The following RBFOX1 variants were observed in gnomAD, a reference collection of about 807,000 sequenced individuals.
The protein encoded by RBFOX1 is RNA binding protein fox-1 homolog 1.
In RBFOX1, 8 loss-of-function variants were observed where a neutral mutation model predicts 57.7. That is an observed-to-expected ratio of 0.14 (90% CI 0.08 to 0.25). The LOEUF (loss-of-function observed/expected upper bound fraction) is 0.25. Ranked by LOEUF, RBFOX1 falls within the 10% of genes least tolerant of loss-of-function variation. The pLI is 1.00. For synonymous variants in RBFOX1, 326 were observed against 222.4 expected (o/e 1.47, Z -4.15); for missense variants, 611 against 548.5 (o/e 1.11, Z -1.14).
chr16:6,256,184 TAC>T (rs370156395), intron 1 of RBFOX1, among the ~76,000 whole-genome samples: 3,573 of 41,486 alleles, frequency 0.086, 527 homozygotes, highest in African/African-American at 0.22. Context: ...TATATATATA[TAC>T]GTATATATAT....
At chr16:6,637,541 C>G (rs78591097) in intron 2 of RBFOX1, among the ~76,000 whole-genome samples, 6 of 11,488 alleles carry the variant, frequency 5.2e-4, no homozygotes, top group African/African-American at 8.7e-4. Context: ...ATAGTATATA[C>G]AATCTGCATA....
chr16:7,001,176 C>G lies in RBFOX1; in HGVS notation c.-15-50881C>G, dbSNP rs541536251. The stretch of plus-strand genomic sequence containing the variant: ...TTTGAGTTAGTTTGCTTGCATATTC[C>G]AAAGGAGACTAATGATCATTCTAAA... On this transcript the variant is annotated intron_variant, in intron 3 of 15. Transcript: ENST00000550418. Among the ~76,000 whole-genome samples the G allele has an allele frequency of 3.9e-5, 6 of 152,088 alleles. No individual in the cohort carries two copies. The East Asian group carries it at 9.7e-4, about 25-fold the overall frequency.
chr16:6,446,926 C>G (rs11862743), intron 2 of RBFOX1, among the ~76,000 whole-genome samples: 6 of 151,798 alleles, frequency 4.0e-5, no homozygotes, highest in Non-Finnish European at 8.8e-5. Context: ...AGGTGAGGAG[C>G]CTCTGTCTAG....
At chr16:6,086,110 G>A (rs1166256178) in intron 1 of RBFOX1, among the ~76,000 whole-genome samples, 2 of 152,040 alleles carry the variant, frequency 1.3e-5, no homozygotes, top group African/African-American at 2.4e-5. Flanking sequence ...TTCTGAGGAC[G>A]GTGGCTCCCA....
At chr16:6,159,990 C>T (rs943429412) in intron 1 of RBFOX1, among the ~76,000 whole-genome samples, 13 of 152,112 alleles carry the variant, frequency 8.5e-5, no homozygotes, top group African/African-American at 2.9e-4. Flanking sequence ...CTTACTTAAA[C>T]CTCTTCCCAC....
At chr16:5,564,709 T>C (rs2151115288) in intron 2 of RBFOX1, among the ~76,000 whole-genome samples, 1 of 152,284 alleles carries the variant, frequency 6.6e-6, no homozygotes, top group East Asian at 1.9e-4. Flanking sequence ...CAGGCATTTA[T>C]TTATTCATTC....
chr16:6,287,157 C>G (rs1233147734), intron 1 of RBFOX1, among the ~76,000 whole-genome samples: 1 of 152,110 alleles, frequency 6.6e-6, no homozygotes, highest in Non-Finnish European at 1.5e-5. Context: ...ACGACAGGCA[C>G]AAAAAACTCC....
intron 2 of RBFOX1, among the ~76,000 whole-genome samples, chr16:6,610,768 C>T (rs531835472): frequency 5.3e-5 from 8 of 152,204 alleles, no homozygotes; most frequent in Non-Finnish European, 1.0e-4. Flanking sequence ...ACATCACCAA[C>T]AAAATGTCTG....
chr16:7,695,164 C>A (rs1412154842), intron 14 of RBFOX1, among the ~76,000 whole-genome samples: 1 of 152,090 alleles, frequency 6.6e-6, no homozygotes, highest in African/African-American at 2.4e-5. Context: ...ATCCCTAGTC[C>A]TTTGATGGCC....
intron 4 of RBFOX1, among the ~76,000 whole-genome samples, chr16:7,062,586 G>C (rs1463059499): frequency 1.3e-5 from 2 of 152,086 alleles, no homozygotes; most frequent in East Asian, 1.9e-4. Flanking sequence ...TGCAGTCTTG[G>C]AGAGAGGATA....
At chr16:6,640,748 A>T (rs564658831) in intron 2 of RBFOX1, among the ~76,000 whole-genome samples, 7 of 152,310 alleles carry the variant, frequency 4.6e-5, no homozygotes, top group African/African-American at 1.7e-4. Context: ...ACTCCTTCTG[A>T]AGGATACAAG....
intron 3 of RBFOX1, among the ~76,000 whole-genome samples, chr16:6,673,910 G>A (rs1210155545): frequency 2.6e-5 from 4 of 152,146 alleles, no homozygotes; most frequent in Non-Finnish European, 5.9e-5. Context: ...CATATTGGGA[G>A]GATCCTGAAA....
At chr16:6,844,481 A>G (rs954676389) in intron 3 of RBFOX1, among the ~76,000 whole-genome samples, 2 of 151,260 alleles carry the variant, frequency 1.3e-5, no homozygotes, top group African/African-American at 4.9e-5. Context: ...TTATCTTCCA[A>G]CTCCATCTAT....
chr16:7,028,373 C>G (rs548442779), intron 3 of RBFOX1, among the ~76,000 whole-genome samples: 3 of 152,120 alleles, frequency 2.0e-5, no homozygotes, highest in Non-Finnish European at 2.9e-5. Flanking sequence ...TGGATTTTAT[C>G]TCTCTGATGC....
At chr16:5,737,419 G>C (rs1226797582) in intron 3 of RBFOX1, among the ~76,000 whole-genome samples, 1 of 152,098 alleles carries the variant, frequency 6.6e-6, no homozygotes, top group African/African-American at 2.4e-5. Context: ...CTAGGAGGTG[G>C]AGGTTGCAGT....
intron 2 of RBFOX1, among the ~76,000 whole-genome samples, chr16:5,536,130 G>T (rs117191155): frequency 2.2e-5 from 3 of 133,894 alleles, no homozygotes; most frequent in Non-Finnish European, 3.1e-5. Context: ...TTATTTAACA[G>T]TTCTTACCTC....
intron 3 of RBFOX1, among the ~76,000 whole-genome samples, chr16:6,803,222 A>C (rs1374046444): frequency 6.6e-6 from 1 of 152,126 alleles, no homozygotes; most frequent in Non-Finnish European, 1.5e-5. Flanking sequence ...CTTGACCCTC[A>C]TTGCCTATGA....
At chr16:7,138,857 G>A (rs886522031) in intron 4 of RBFOX1, among the ~76,000 whole-genome samples, 7 of 152,170 alleles carry the variant, frequency 4.6e-5, no homozygotes, top group African/African-American at 7.2e-5. Context: ...TGCCTAGCCT[G>A]GAGTGCAATG....
chr16:6,918,142 G>A (rs1366570898), intron 3 of RBFOX1, among the ~76,000 whole-genome samples: 1 of 151,956 alleles, frequency 6.6e-6, no homozygotes, highest in East Asian at 1.9e-4. Context: ...GCAGAAATTA[G>A]CTGGGTATGC....
Sources: gnomAD v4.1 joint callset for allele counts (sites outside exome capture counted in the v4.1 genomes callset) on GRCh38, gnomAD v4.1.1 for gene constraint, MANE v1.5 for transcripts, NCBI Gene and HGNC (gene_info 2026-07-23, HGNC 2026-07-21) for gene names.